The following RNF150 variants were observed in gnomAD, a reference collection of about 807,000 sequenced individuals.
RNF150 encodes the protein ring finger protein 150.
RNF150 carries 24 observed loss-of-function variants against 39.3 expected under a neutral mutation model. The observed-to-expected ratio is 0.61, with a 90% CI of 0.44 to 0.86. RNF150 has a LOEUF of 0.86. Among genes scored for constraint, RNF150 ranks in the 40% least tolerant of loss-of-function variants. The pLI, the probability that RNF150 is intolerant of heterozygous loss-of-function variation, is 0.00. For synonymous variants in RNF150, 255 were observed against 227.3 expected, an observed-to-expected ratio of 1.12 and a Z score of -1.10; for missense variants, 502 against 587.8, an observed-to-expected ratio of 0.85 and a Z score of 1.51.
chr4:140,904,677 A>C (rs1188679014), intron 6 of RNF150, among the ~76,000 whole-genome samples: 1 of 152,226 alleles, frequency 6.6e-6, no homozygotes, highest in Non-Finnish European at 1.5e-5. Flanking sequence ...GTAGCTGCAC[A>C]TGTGAAACAG....
chr4:141,061,414 G>A (rs140729252), intron 1 of RNF150, among the ~76,000 whole-genome samples: 256 of 152,212 alleles, frequency 1.7e-3, no homozygotes, highest in African/African-American at 5.8e-3. Flanking sequence ...ATCAACTAAC[G>A]CTAAATATTA....
Position 140,907,086 on chromosome 4 carries a change from G to A in RNF150, c.1198+4058C>T, listed in dbSNP as rs952347753. Among the ~76,000 whole-genome samples, 13 of 152,234 alleles carry A rather than the reference G, an allele frequency of 8.5e-5. No individual in the cohort carries two copies. The South Asian group carries it at 1.2e-3, about 15-fold the overall frequency. ...CCAAACATACAGGGCTGTCTGTTTCGCTGTGTTTTCCTTTGGTTCTAAGGA... is the reference window on the plus strand; with the variant it reads ...CCAAACATACAGGGCTGTCTGTTTCACTGTGTTTTCCTTTGGTTCTAAGGA... On this transcript the variant is annotated intron_variant, in intron 6 of 6. Coordinates refer to ENST00000515673, the MANE Select transcript of RNF150 (RefSeq NM_020724.2).
intron 2 of RNF150, among the ~76,000 whole-genome samples, chr4:140,958,039 A>T (rs1732849265): frequency 2.0e-5 from 3 of 152,196 alleles, no homozygotes; most frequent in Admixed American, 2.0e-4. Context: ...AACTTAAAGT[A>T]TAATAATTTA....
chr4:141,139,339 C>T (rs985304494), intron 1 of RNF150, among the ~76,000 whole-genome samples: 3 of 152,178 alleles, frequency 2.0e-5, no homozygotes, highest in Admixed American at 6.5e-5. Context: ...CTAGTTTTAG[C>T]GACAGATGTA....
At chr4:141,099,198 G>T (rs553085257) in intron 1 of RNF150, among the ~76,000 whole-genome samples, 67 of 152,204 alleles carry the variant, frequency 4.4e-4, no homozygotes, top group African/African-American at 1.6e-3. Context: ...TTTCCAAAGA[G>T]CTGGCACTGT....
chr4:140,939,307 T>C (rs1731986546), intron 4 of RNF150, among the ~76,000 whole-genome samples: 1 of 152,244 alleles, frequency 6.6e-6, no homozygotes, highest in Admixed American at 6.5e-5. Flanking sequence ...CTTTTAGTTA[T>C]GTTCTGGTCT....
chr4:140,945,248 C>T (rs941614253), intron 4 of RNF150, among the ~76,000 whole-genome samples: 2 of 152,068 alleles, frequency 1.3e-5, no homozygotes, highest in East Asian at 3.8e-4. Flanking sequence ...GGCTAATGTA[C>T]ATTAAAATCC....
chr4:141,035,420 T>C (rs1736103793), intron 1 of RNF150, among the ~76,000 whole-genome samples: 1 of 152,190 alleles, frequency 6.6e-6, no homozygotes, highest in Non-Finnish European at 1.5e-5. Context: ...AAGAATGCTA[T>C]GACTTAGTGG....
chr4:141,194,036 C>T (rs1025558983), intron 1 of RNF150, among the ~76,000 whole-genome samples: 1 of 152,176 alleles, frequency 6.6e-6, no homozygotes, highest in Non-Finnish European at 1.5e-5. Flanking sequence ...TTTTATAAAA[C>T]TTGACTGCTC....
chr4:140,906,994 A>G (rs1483550360), intron 6 of RNF150, among the ~76,000 whole-genome samples: 2 of 152,198 alleles, frequency 1.3e-5, no homozygotes, highest in Non-Finnish European at 2.9e-5. Context: ...AGTGGCACTC[A>G]GTGTTTTTAA....
intron 1 of RNF150, among the ~76,000 whole-genome samples, chr4:141,056,452 A>G (rs1210419321): frequency 6.6e-6 from 1 of 152,072 alleles, no homozygotes; most frequent in Non-Finnish European, 1.5e-5. Context: ...CTTAAAAGAG[A>G]AGGGTGTGAG....
At chr4:141,083,249 C>T (rs540232658) in intron 1 of RNF150, among the ~76,000 whole-genome samples, 1 of 152,268 alleles carries the variant, frequency 6.6e-6, no homozygotes, top group South Asian at 2.1e-4. Context: ...AATTCTTTTG[C>T]ATTTGTATAA....
intron 1 of RNF150, among the ~76,000 whole-genome samples, chr4:141,080,076 A>G (rs1738092118): frequency 1.3e-5 from 2 of 152,218 alleles, no homozygotes; most frequent in African/African-American, 4.8e-5. Flanking sequence ...TCCTAATTCA[A>G]AAAAGACATA....
intron 1 of RNF150, among the ~76,000 whole-genome samples, chr4:141,178,562 T>C (rs1025581668): frequency 5.9e-5 from 9 of 152,118 alleles, no homozygotes; most frequent in Non-Finnish European, 1.5e-5. Flanking sequence ...TCTCAATTGC[T>C]AAAAATTATC....
At chr4:141,184,596 G>GT (rs1727968745) in intron 1 of RNF150, among the ~76,000 whole-genome samples, 1 of 152,148 alleles carries the variant, frequency 6.6e-6, no homozygotes, top group Admixed American at 6.6e-5. Context: ...GTCCTGAATG[G>GT]TATTGCCTAA....
At chr4:141,003,010 G>T (rs1734723268) in intron 1 of RNF150, among the ~76,000 whole-genome samples, 1 of 152,106 alleles carries the variant, frequency 6.6e-6, no homozygotes, top group Admixed American at 6.5e-5. Context: ...TTTGCTGAAA[G>T]AATTAACAAA....
intron 6 of RNF150, among the ~76,000 whole-genome samples, chr4:140,879,460 T>C (rs1560945030): frequency 6.6e-6 from 1 of 152,238 alleles, no homozygotes; most frequent in African/African-American, 2.4e-5. Context: ...TTAAGTTTAT[T>C]CCTAAGTATT....
chr4:141,015,651 T>C (rs931589111), intron 1 of RNF150, among the ~76,000 whole-genome samples: 3 of 152,196 alleles, frequency 2.0e-5, no homozygotes, highest in Non-Finnish European at 4.4e-5. Flanking sequence ...CAATTTTTCA[T>C]GGAGTCTTTA....
chr4:141,039,158 A>AATGG (rs1259520342), intron 1 of RNF150, among the ~76,000 whole-genome samples: 2 of 152,168 alleles, frequency 1.3e-5, no homozygotes, highest in East Asian at 3.9e-4. Flanking sequence ...TTGGGCTGAG[A>AATGG]ATGGGTATTA....
Sources: gnomAD v4.1 joint callset for allele counts (sites outside exome capture counted in the v4.1 genomes callset) on GRCh38, gnomAD v4.1.1 for gene constraint, MANE v1.5 for transcripts, NCBI Gene and HGNC (gene_info 2026-07-23, HGNC 2026-07-21) for gene names.